Variants in GRM5 observed in about 807,000 individuals in gnomAD.
The protein encoded by GRM5 is glutamate metabotropic receptor 5, also known as metabotropic glutamate receptor 5.
Under a neutral mutation model 83.1 loss-of-function variants are expected in GRM5, and 19 were observed. The observed-to-expected ratio is 0.23, with a 90% confidence interval of 0.16 to 0.34. The LOEUF (loss-of-function observed/expected upper bound fraction) is 0.34. GRM5 is among the 10% of genes least tolerant of loss of function. The pLI is 1.00. For synonymous variants in GRM5, 675 were observed against 633.6 expected (o/e 1.07, Z -0.98); for missense variants, 1,160 against 1,588.3 (o/e 0.73, Z 4.58).
chr11:88,569,626 A>G (rs1343989058), intron 7 of GRM5, among the ~76,000 whole-genome samples: 1 of 152,200 alleles, frequency 6.6e-6, no homozygotes, highest in Non-Finnish European at 1.5e-5. Context: ...TGATGGCTAC[A>G]GCTCCAGCAG....
chr11:88,573,155 T>C (rs1943039791), intron 7 of GRM5, among the ~76,000 whole-genome samples: 1 of 152,164 alleles, frequency 6.6e-6, no homozygotes, highest in Admixed American at 6.6e-5. Context: ...TTTTCAAAAC[T>C]TGAACTGACA....
chr11:88,713,408 C>A (rs1050791100), intron 3 of GRM5, among the ~76,000 whole-genome samples: 6 of 151,788 alleles, frequency 4.0e-5, no homozygotes, highest in Admixed American at 3.3e-4. Context: ...GAAGATGAAA[C>A]AAGTTTGGTC....
intron 3 of GRM5, among the ~76,000 whole-genome samples, chr11:88,707,083 T>C (rs1459874755): frequency 6.6e-6 from 1 of 152,076 alleles, no homozygotes; most frequent in Non-Finnish European, 1.5e-5. Flanking sequence ...AGGAGAACAC[T>C]TGTGGATGAT....
At chr11:88,792,139 A>T (rs910473432) in intron 3 of GRM5, among the ~76,000 whole-genome samples, 4 of 152,018 alleles carry the variant, frequency 2.6e-5, no homozygotes, top group South Asian at 4.2e-4. Context: ...CTAGTTTTTT[A>T]AAAAAATATT....
intron 2 of GRM5, among the ~76,000 whole-genome samples, chr11:89,001,193 T>C (rs1208167232): frequency 6.6e-6 from 1 of 152,062 alleles, no homozygotes; most frequent in Non-Finnish European, 1.5e-5. Flanking sequence ...TCCACTATCA[T>C]ACAATACAGC....
chr11:88,768,699 A>T (rs1478023815), intron 3 of GRM5, among the ~76,000 whole-genome samples: 1 of 151,964 alleles, frequency 6.6e-6, no homozygotes, highest in African/African-American at 2.4e-5. Flanking sequence ...TATGAAAGAG[A>T]CAAGAGAGTG....
At chr11:88,985,424 T>C (rs1484111281) in intron 2 of GRM5, among the ~76,000 whole-genome samples, 1 of 152,084 alleles carries the variant, frequency 6.6e-6, no homozygotes, top group East Asian at 1.9e-4. Context: ...GCAATCAAGA[T>C]AACTAAAGGC....
chr11:88,665,746 C>T (rs1940026065), intron 3 of GRM5, among the ~76,000 whole-genome samples: 1 of 151,194 alleles, frequency 6.6e-6, no homozygotes, highest in African/African-American at 2.4e-5. Flanking sequence ...ATAGATTAGG[C>T]AAGCCCTCCT....
intron 4 of GRM5, among the ~76,000 whole-genome samples, chr11:88,635,915 A>T (rs59238593): frequency 0.033 from 5,080 of 152,314 alleles, 267 homozygotes; most frequent in African/African-American, 0.11. Context: ...TATCCAGTAA[A>T]TGATACTAAT....
At chr11:88,869,397 G>A (rs1944724431) in intron 2 of GRM5, among the ~76,000 whole-genome samples, 2 of 151,476 alleles carry the variant, frequency 1.3e-5, no homozygotes, top group African/African-American at 4.8e-5. Flanking sequence ...TACAAAAAAT[G>A]GTACCTGTCC....
At chr11:88,539,970 A>C (rs1942226562) in intron 8 of GRM5, among the ~76,000 whole-genome samples, 1 of 152,184 alleles carries the variant, frequency 6.6e-6, no homozygotes, top group Non-Finnish European at 1.5e-5. Flanking sequence ...TACACCGTAA[A>C]GTTTATGGCT....
At chr11:89,039,870 C>G (rs541767255) in intron 2 of GRM5, among the ~76,000 whole-genome samples, 1 of 152,160 alleles carries the variant, frequency 6.6e-6, no homozygotes, top group Non-Finnish European at 1.5e-5. Context: ...GTGCAAACTT[C>G]GCTCACTTCA....
At chr11:88,772,837 T>A (rs1942769038) in intron 3 of GRM5, among the ~76,000 whole-genome samples, 2 of 152,336 alleles carry the variant, frequency 1.3e-5, no homozygotes, top group South Asian at 4.1e-4. Context: ...ATTTTCTTAA[T>A]CCAGTCTATC....
chr11:88,661,907 G>T (rs16914479), intron 3 of GRM5, among the ~76,000 whole-genome samples: 1,528 of 152,064 alleles, frequency 0.01, 17 homozygotes, highest in East Asian at 0.066. Context: ...ATTCCAAAAA[G>T]AATCAAAATT....
intron 3 of GRM5, among the ~76,000 whole-genome samples, chr11:88,748,057 C>T (rs1942180507): frequency 6.6e-6 from 1 of 152,158 alleles, no homozygotes; most frequent in Admixed American, 6.6e-5. Flanking sequence ...AAGGAACCCC[C>T]ATCCCCAGGC....
intron 7 of GRM5, among the ~76,000 whole-genome samples, chr11:88,587,530 A>C (rs1043485220): frequency 1.3e-5 from 2 of 152,080 alleles, no homozygotes; most frequent in African/African-American, 4.8e-5. Flanking sequence ...GAGTTATAAA[A>C]CCAGTGGTAA....
At chr11:88,996,577 G>C (rs576365705) in intron 2 of GRM5, among the ~76,000 whole-genome samples, 21 of 152,330 alleles carry the variant, frequency 1.4e-4, no homozygotes, top group African/African-American at 5.1e-4. Context: ...CCACATTTTA[G>C]TGGGGTACTT....
chr11:88,848,662 G>A (rs1944338691), intron 3 of GRM5, among the ~76,000 whole-genome samples: 1 of 152,176 alleles, frequency 6.6e-6, no homozygotes, highest in African/African-American at 2.4e-5. Context: ...CATCTCAGAA[G>A]TGCACCTCAT....
rs149450276 is a variant in GRM5 at position 88,534,499 on chromosome 11, A to C, written c.2631-9095T>G. On this transcript the variant is annotated intron_variant, in intron 8 of 9. Coordinates refer to ENST00000305447, the MANE Select transcript of GRM5 (RefSeq NM_001143831.3). ...ACCTGTCACCCCTTTGTTTTGGCCAATTTCTCCCATCTGGAATGGCTGTAT... is the reference window on the plus strand; with the variant it reads ...ACCTGTCACCCCTTTGTTTTGGCCACTTTCTCCCATCTGGAATGGCTGTAT... Among the ~76,000 whole-genome samples the C allele has an allele frequency of 3.9e-3, 591 of 152,252 alleles. 5 individuals are homozygous for C. Among genetic ancestry groups the C allele is most frequent in the Admixed American group, 6.2e-3 (95 of 15,294 alleles).
Sources: gnomAD v4.1 joint callset for allele counts (sites outside exome capture counted in the v4.1 genomes callset) on GRCh38, gnomAD v4.1.1 for gene constraint, MANE v1.5 for transcripts, NCBI Gene and HGNC (gene_info 2026-07-23, HGNC 2026-07-21) for gene names.